Variants in SF3A2 observed in about 807,000 individuals in gnomAD.
SF3A2 encodes the protein SAP 62.
Under a neutral mutation model 31.1 loss-of-function variants are expected in SF3A2, and 5 were observed. The observed-to-expected ratio is 0.16, with a 90% CI of 0.08 to 0.34. The LOEUF (loss-of-function observed/expected upper bound fraction) is 0.34. SF3A2 is among the 10% of genes least tolerant of loss of function. The probability of loss-of-function intolerance (pLI) is 1.00; values close to 1 mark genes in which losing one functional copy is unlikely to be tolerated. For synonymous variants in SF3A2, 365 were observed against 263.7 expected (o/e 1.38, Z -3.72); for missense variants, 577 against 643.9 (o/e 0.90, Z 1.13).
In SF3A2 at chr19:2,248,299, C is replaced by A. The variant is rs747494813; in HGVS notation, c.1148C>A (p.Ala383Asp). 2 of 1,401,636 alleles carry A rather than the reference C, an allele frequency of 1.4e-6. No individual in the cohort carries two copies. The highest frequency in any genetic ancestry group is 5.5e-5 in the East Asian group (2 of 36,550). 86.8% of individuals were successfully genotyped at this position (1,401,636 alleles called of 1,614,324 possible). Reference sequence around the variant, plus strand: ...CAGGCCCCGGGGGTGCACCCAGCAGCCCCCGCCGTTCACCCTCAGGCCCCA... The same window carrying A: ...CAGGCCCCGGGGGTGCACCCAGCAGACCCCGCCGTTCACCCTCAGGCCCCA... ...HPQAPGVHPA[A>D]PAVHPQAPGV... Residue 383 changes from alanine to aspartate, a missense_variant, in exon 9 of 9, where the codon GCC becomes GAC. By Grantham distance (126) the Ala-to-Asp change is moderately radical. Coordinates refer to ENST00000221494, the MANE Select transcript of SF3A2 (RefSeq NM_007165.5).
Position 2,246,233 on chromosome 19 carries a change from G to A in SF3A2, c.356-520G>A, listed in dbSNP as rs150624954. ...CAGGTCCTGGGCTTGGGCTCAGGAC[G>A]GTGAGGCGGCAGAGGGCTTGTGAGT... On this transcript the variant is annotated intron_variant, in intron 5 of 8. Coordinates refer to ENST00000221494, the MANE Select transcript of SF3A2 (RefSeq NM_007165.5). The surrounding 1 kb of genome is among the most constrained non-coding windows in gnomAD (Gnocchi z 5.5). 4.9e-3 allele frequency among the ~76,000 whole-genome samples: 744 copies of A among 152,176 alleles called. 7 individuals carry two copies. The highest frequency in any genetic ancestry group is 0.017 in the African/African-American group (709 of 41,514).
At chr19:2,241,905 G>C (rs2024892864) in intron 1 of SF3A2, among the ~76,000 whole-genome samples, 1 of 152,224 alleles carries the variant, frequency 6.6e-6, no homozygotes, top group Admixed American at 6.5e-5. Context: ...TGATGGGGCA[G>C]CCGTGATACT....
chr19:2,246,128 G>T lies in SF3A2; in HGVS notation c.355+573G>T, dbSNP rs958896678. Among the ~76,000 whole-genome samples, 3 of 152,236 alleles carry T rather than the reference G, an allele frequency of 2.0e-5. No homozygotes were observed. Among genetic ancestry groups the T allele is most frequent in the Non-Finnish European group, 4.4e-5 (3 of 68,038 alleles). On this transcript the variant is annotated intron_variant, in intron 5 of 8. Coordinates refer to ENST00000221494, the MANE Select transcript of SF3A2 (RefSeq NM_007165.5). This position sits in a 1 kb window ranked among gnomAD's most constrained non-coding sequence, Gnocchi z 5.5. ...GTGCCTGGCCTCCAGACAGAAGCCT[G>T]CAGGGCAGAGGTCCCGGGGCAGGTG... is the stretch of plus-strand genomic sequence containing the variant.
chr19:2,237,779 C>T (rs1421450367), intron 1 of SF3A2: 1 of 152,146 alleles, frequency 6.6e-6, no homozygotes, highest in Non-Finnish European at 1.5e-5. Context: ...AACATCATGC[C>T]AAAGGCGACC....
chr19:2,240,356 C>G (rs577692930), intron 1 of SF3A2, among the ~76,000 whole-genome samples: 1 of 152,328 alleles, frequency 6.6e-6, no homozygotes, highest in Non-Finnish European at 1.5e-5. Context: ...CCCTTTTATA[C>G]CAGTTCTTCT....
chr19:2,238,562 T>C (rs1346654084), intron 1 of SF3A2, among the ~76,000 whole-genome samples: 1 of 152,228 alleles, frequency 6.6e-6, no homozygotes, highest in Non-Finnish European at 1.5e-5. Flanking sequence ...GTTTTCTAAA[T>C]AAGATGCAAA....
rs2024924012 is a variant in SF3A2 at position 2,245,489 on chromosome 19, C to A, written c.289C>A (p.Pro97Thr). Residue 97 changes from proline to threonine, a missense_variant, in exon 5 of 9, where the codon CCC becomes ACC. Around this residue, in one of 6 missense-constraint regions of SF3A2, gnomAD observed 17 missense variants for 113.8 expected, o/e 0.15. Transcript: ENST00000221494. The surrounding 1 kb of genome is among the most constrained non-coding windows in gnomAD (Gnocchi z 4.2). ...GGAGGCCAAGGAGGCCCCTGCCCAG[C>A]CCGCGCCTGAGAAGGTCAAGGTGGA... ...AKEAKEAPAQPAPEKVKVEVK... is the reference protein window; with the variant it reads ...AKEAKEAPAQTAPEKVKVEVK... The A allele has an allele frequency of 6.4e-7, 1 of 1,550,998 alleles. No individual in the cohort carries two copies. Among genetic ancestry groups the A allele is most frequent in the Admixed American group, 2.0e-5 (1 of 50,986 alleles).
intron 7 of SF3A2, among the ~76,000 whole-genome samples, chr19:2,247,374 C>T (rs564109727): frequency 5.9e-5 from 9 of 152,302 alleles, no homozygotes; most frequent in African/African-American, 1.2e-4. Context: ...ATAATACAAA[C>T]GGTGACTGCC....
chr19:2,240,958 C>T (rs1242722470), intron 1 of SF3A2, among the ~76,000 whole-genome samples: 4 of 152,152 alleles, frequency 2.6e-5, no homozygotes, highest in African/African-American at 7.2e-5. Flanking sequence ...TCCGCAGACA[C>T]GTCCCACCCA....
intron 1 of SF3A2, chr19:2,237,811 T>G (rs148005195): frequency 2.0e-5 from 3 of 152,258 alleles, no homozygotes; most frequent in African/African-American, 7.2e-5. Flanking sequence ...GCTGGCCCCA[T>G]TTTGCAGGTG....
At chr19:2,241,416 C>T (rs548123568) in intron 1 of SF3A2, among the ~76,000 whole-genome samples, 1 of 152,278 alleles carries the variant, frequency 6.6e-6, no homozygotes, top group African/African-American at 2.4e-5. Flanking sequence ...TTGCTGGGCT[C>T]CCCACGCACG....
Position 2,245,752 on chromosome 19 carries a change from C to A in SF3A2, c.355+197C>A, listed in dbSNP as rs774448022. On this transcript the variant is annotated intron_variant, in intron 5 of 8. Transcript: ENST00000221494. The surrounding 1 kb of genome is among the most constrained non-coding windows in gnomAD (Gnocchi z 4.2). Reference sequence around the variant, plus strand: ...TGTCAGGCTGGGCCCGATAAGCACCCATCTCACCCAGCAGCCCATTTCCCA... The same window carrying A: ...TGTCAGGCTGGGCCCGATAAGCACCAATCTCACCCAGCAGCCCATTTCCCA... 1.2e-4 allele frequency: 74 copies of A among 592,778 alleles called. No individual in the cohort carries two copies. Among genetic ancestry groups the A allele is most frequent in the Non-Finnish European group, 1.9e-4 (63 of 330,374 alleles). 36.7% of individuals were successfully genotyped at this position (592,778 alleles called of 1,614,324 possible). A position where few individuals can be genotyped will look rare whatever the true frequency, so the allele number is the denominator to read the frequency against.
chr19:2,248,034 C>A lies in SF3A2; in HGVS notation c.883C>A (p.His295Asn). The A allele has an allele frequency of 1.0e-6, 1 of 955,556 alleles. No homozygotes were observed. Among genetic ancestry groups the A allele is most frequent in the Non-Finnish European group, 1.6e-6 (1 of 619,676 alleles). The allele number at this position is 955,556 out of a possible 1,614,324, so 59.2% of individuals were successfully genotyped here. ...GGTCCACCCCCCGGCCCCAGTGGTG[C>A]ATCCCCCTGCATCTGGGGTCCATCC... ...PGVHPPAPVVHPPASGVHPPA... is the reference protein window; with the variant it reads ...PGVHPPAPVVNPPASGVHPPA... Residue 295 changes from histidine to asparagine, a missense_variant, in exon 9 of 9, where the codon CAT becomes AAT. Coordinates refer to ENST00000221494, the MANE Select transcript of SF3A2 (RefSeq NM_007165.5).
intron 1 of SF3A2, among the ~76,000 whole-genome samples, chr19:2,242,068 C>T (rs1327203134): frequency 6.6e-6 from 1 of 152,068 alleles, no homozygotes; most frequent in Non-Finnish European, 1.5e-5. Context: ...GTACAGCTGG[C>T]CTGTCCCTCA....
Position 2,245,689 on chromosome 19 carries a change from C to T in SF3A2, c.355+134C>T. On this transcript the variant is annotated intron_variant, in intron 5 of 8. Coordinates refer to ENST00000221494, the MANE Select transcript of SF3A2 (RefSeq NM_007165.5). The surrounding 1 kb of genome is among the most constrained non-coding windows in gnomAD (Gnocchi z 4.2). ...TGTTTTCCGGCCTTGGTGGCCGTCC[C>T]TCACCCACCTGCAGCCTCTGGCGTT... is the stretch of plus-strand genomic sequence containing the variant. 2 of 686,414 alleles carry T rather than the reference C, an allele frequency of 2.9e-6. No homozygotes were observed. The highest frequency in any genetic ancestry group is 2.2e-5 in the Admixed American group (1 of 45,840). The allele number at this position is 686,414 out of a possible 1,614,324, so 42.5% of individuals were successfully genotyped here.
chr19:2,248,130 TCTGGGGTCCACCCCCCAGCTC>T lies in SF3A2; in HGVS notation c.984_1004del (p.Ala361_Pro367del), dbSNP rs2024960285. On this transcript the variant is annotated inframe_deletion, in exon 9 of 9. Coordinates refer to ENST00000221494, the MANE Select transcript of SF3A2 (RefSeq NM_007165.5). Reference sequence around the variant, plus strand: ...AGCCCCTGGGGTCCACCCACCAACCTCTGGGGTCCACCCCCCAGCTCCTGGAGTCCACCCTCCAGCCCCCGG... The same window carrying T: ...AGCCCCTGGGGTCCACCCACCAACCTCTGGAGTCCACCCTCCAGCCCCCGG... The T allele has an allele frequency of 3.4e-6, 4 of 1,184,094 alleles. No homozygotes were observed. The highest frequency in any genetic ancestry group is 4.3e-5 in the African/African-American group (2 of 46,860). The allele number at this position is 1,184,094 out of a possible 1,614,324, so 73.3% of individuals were successfully genotyped here. A position where few individuals can be genotyped will look rare whatever the true frequency, so the allele number is the denominator to read the frequency against.
At chr19:2,241,282 G>T (rs575549245) in intron 1 of SF3A2, among the ~76,000 whole-genome samples, 1 of 152,108 alleles carries the variant, frequency 6.6e-6, no homozygotes, top group African/African-American at 2.4e-5. Context: ...AAAGAAGGCC[G>T]ATTCCCTGCC....
chr19:2,247,252 AGC>A lies in SF3A2; in HGVS notation c.546+233_546+234del, dbSNP rs201737318. 2,895 of 343,754 alleles carry A rather than the reference AGC, an allele frequency of 8.4e-3. 58 individuals carry two copies. The highest frequency in any genetic ancestry group is 0.058 in the African/African-American group (2,570 of 44,474). The allele number at this position is 343,754 out of a possible 1,614,324, so 21.3% of individuals were successfully genotyped here. ...ATGAGAAGGGAGGCCGGCAGGGCTG[AGC>A]GCCAGGCCTGTGAGGCCTTTGCCAA... On this transcript the variant is annotated intron_variant, in intron 7 of 8. Transcript: ENST00000221494.
At chr19:2,247,268 G>A in intron 7 of SF3A2, 1 of 543,532 alleles carries the variant, frequency 1.8e-6, no homozygotes, top group Non-Finnish European at 3.2e-6. Context: ...AGGCCTGTGA[G>A]GCCTTTGCCA....
Sources: allele counts gnomAD v4.1 joint callset (sites outside exome capture counted in the v4.1 genomes callset), GRCh38; gene constraint gnomAD v4.1.1; regional missense constraint gnomAD v4.1.1; non-coding constraint Gnocchi (gnomAD v3.1); transcripts MANE v1.5; gene names NCBI Gene and HGNC (gene_info 2026-07-23, HGNC 2026-07-21).